SPRED2: variants seen among roughly 807,000 people sequenced by gnomAD.
SPRED2 encodes sprouty related EVH1 domain containing 2.
SPRED2 carries 47 observed loss-of-function variants against 43.0 expected under a neutral mutation model. That is an observed-to-expected ratio of 1.09 (90% CI 0.87 to 1.40). SPRED2 has a LOEUF of 1.40. Ranked by LOEUF, SPRED2 falls within the 40% of genes most tolerant of loss-of-function variation. The pLI is 0.00. For missense variants in SPRED2, 561 were observed against 586.4 expected (o/e 0.96, Z 0.45); for synonymous variants, 225 against 225.7 (o/e 1.00, Z 0.03).
downstream of SPRED2, among the ~76,000 whole-genome samples, chr2:65,309,521 A>C (rs1266336007): frequency 5.9e-5 from 9 of 151,504 alleles, no homozygotes; most frequent in African/African-American, 2.2e-4. Context: ...AAAAAAAAAA[A>C]AAAAAAGGAT....
intron 5 of SPRED2, among the ~76,000 whole-genome samples, chr2:65,315,107 T>G (rs940769339): frequency 2.7e-5 from 4 of 146,058 alleles, no homozygotes; most frequent in Non-Finnish European, 5.9e-5. Context: ...ATTAATTACA[T>G]GCATATAACC....
At chr2:65,392,175 CTTTTTTTTT>C (rs70943649) in intron 1 of SPRED2, among the ~76,000 whole-genome samples, 1 of 98,726 alleles carries the variant, frequency 1.0e-5, no homozygotes, top group Non-Finnish European at 2.1e-5. Flanking sequence ...TCCAGAATTT[CTTTTTTTTT>C]TTTTTTTTTT....
chr2:65,400,660 C>T (rs963795938), intron 1 of SPRED2, among the ~76,000 whole-genome samples: 5 of 152,020 alleles, frequency 3.3e-5, no homozygotes, highest in Non-Finnish European at 5.9e-5. Flanking sequence ...GTTCTGTGTT[C>T]GTCCCTATTT....
At chr2:65,357,915 T>C (rs1486456112) in intron 1 of SPRED2, among the ~76,000 whole-genome samples, 1 of 152,168 alleles carries the variant, frequency 6.6e-6, no homozygotes, top group African/African-American at 2.4e-5. Flanking sequence ...ATGTGTAAAA[T>C]GAGGGGTAGA....
chr2:65,354,343 GCA>G (rs1183810993), intron 1 of SPRED2, among the ~76,000 whole-genome samples: 1 of 152,156 alleles, frequency 6.6e-6, no homozygotes, highest in Non-Finnish European at 1.5e-5. Flanking sequence ...CAATGCCCAG[GCA>G]CACTGGAAGT....
chr2:65,360,079 CAAAAAAAAACAAAAAAAAAACAA>C (rs1327479417), intron 1 of SPRED2, among the ~76,000 whole-genome samples: 9 of 93,688 alleles, frequency 9.6e-5, no homozygotes, highest in South Asian at 3.0e-4. Context: ...AAAAAAAAAA[CAAAAAAAAACAAAAAAAAAACAA>C]AAAAAAAAAA....
chr2:65,354,645 GTT>G (rs34759662), intron 1 of SPRED2, among the ~76,000 whole-genome samples: 4 of 146,052 alleles, frequency 2.7e-5, no homozygotes, highest in Admixed American at 1.4e-4. Flanking sequence ...ATATTTGTTG[GTT>G]TTTTTTTTTA....
downstream of SPRED2, among the ~76,000 whole-genome samples, chr2:65,310,288 G>A (rs1215908652): frequency 6.6e-6 from 1 of 151,978 alleles, no homozygotes; most frequent in African/African-American, 2.4e-5. Context: ...TTTTCTCTGT[G>A]ACCCTCAGAA....
chr2:65,334,825 G>A, intron 2 of SPRED2, 52 bp from the exon 3 acceptor site: 1 of 1,592,814 alleles, frequency 6.3e-7, no homozygotes, highest in African/African-American at 1.3e-5. Flanking sequence ...CCATGATGAT[G>A]TCTGGTTACA....
Position 65,432,238 on chromosome 2 carries a change from C to CG in SPRED2, c.-252dup, listed in dbSNP as rs1668899695. On this transcript the variant is annotated 5_prime_UTR_variant, in exon 1 of 6. Coordinates refer to ENST00000356388, the MANE Select transcript of SPRED2 (RefSeq NM_181784.3). ...CGTGGGGAGAGGCGGGCGGAGGCTCCGGGGGCTCGGGAGCGGGCAGAGGGG... is the reference window on the plus strand; with the variant it reads ...CGTGGGGAGAGGCGGGCGGAGGCTCCGGGGGGCTCGGGAGCGGGCAGAGGGG... 1 of 467,376 alleles carries CG rather than the reference C, an allele frequency of 2.1e-6. No homozygotes were observed. Among genetic ancestry groups the CG allele is most frequent in the Non-Finnish European group, 3.9e-6 (1 of 259,310 alleles). 29.0% of individuals were successfully genotyped at this position (467,376 alleles called of 1,614,324 possible). A position where few individuals can be genotyped will look rare whatever the true frequency, so the allele number is the denominator to read the frequency against.
chr2:65,375,642 A>C (rs1403692811), intron 1 of SPRED2, among the ~76,000 whole-genome samples: 4 of 152,220 alleles, frequency 2.6e-5, no homozygotes, highest in Non-Finnish European at 4.4e-5. Flanking sequence ...ACCTAATAGT[A>C]ATGCACAAAC....
intron 4 of SPRED2, among the ~76,000 whole-genome samples, chr2:65,326,803 C>A (rs1673633922): frequency 1.3e-5 from 2 of 152,056 alleles, no homozygotes; most frequent in Non-Finnish European, 1.5e-5. Flanking sequence ...CAGTCCAGGT[C>A]AACAAAAACA....
intron 1 of SPRED2, among the ~76,000 whole-genome samples, chr2:65,425,690 C>T (rs900351065): frequency 1.3e-5 from 2 of 152,134 alleles, no homozygotes; most frequent in Non-Finnish European, 2.9e-5. Flanking sequence ...AGCATCAATA[C>T]AAAATATTTC....
intron 4 of SPRED2, among the ~76,000 whole-genome samples, chr2:65,318,472 C>T (rs1018482633): frequency 7.3e-5 from 11 of 151,604 alleles, no homozygotes; most frequent in African/African-American, 2.7e-4. Context: ...CCCCCAGAAT[C>T]CCTACCCTTC....
rs997383807 is a variant in SPRED2, at chr2:65,312,577, A to G, written c.*924T>C. On this transcript the variant is annotated 3_prime_UTR_variant, in exon 6 of 6. Transcript: ENST00000356388. ...TTTGGTTTGCAAAACAACAAGCAAA[A>G]TTTCTTACTTCACTAGTATCCTATT... 2 of 985,682 alleles carry G rather than the reference A, an allele frequency of 2.0e-6. No homozygotes were observed. The highest frequency in any genetic ancestry group is 1.2e-6 in the Non-Finnish European group (1 of 829,930). The allele number at this position is 985,682 out of a possible 1,614,324, so 61.1% of individuals were successfully genotyped here. A position where few individuals can be genotyped will look rare whatever the true frequency, so the allele number is the denominator to read the frequency against.
intron 1 of SPRED2, among the ~76,000 whole-genome samples, chr2:65,393,670 C>T (rs907390098): frequency 2.6e-5 from 4 of 152,098 alleles, no homozygotes; most frequent in Non-Finnish European, 5.9e-5. Flanking sequence ...TTTATAATAA[C>T]GGTCATTATA....
chr2:65,392,966 G>A (rs1293129561), intron 1 of SPRED2, among the ~76,000 whole-genome samples: 5 of 152,148 alleles, frequency 3.3e-5, no homozygotes, highest in African/African-American at 1.2e-4. Flanking sequence ...GATTCTACCT[G>A]CTACTCAACA....
At chr2:65,355,118 A>C (rs889052525) in intron 1 of SPRED2, among the ~76,000 whole-genome samples, 1 of 152,214 alleles carries the variant, frequency 6.6e-6, no homozygotes, top group Admixed American at 6.5e-5. Context: ...TCTAATCCTT[A>C]CTAATAGCAG....
At chr2:65,430,616 G>A (rs898011110) in intron 1 of SPRED2, among the ~76,000 whole-genome samples, 1 of 152,148 alleles carries the variant, frequency 6.6e-6, no homozygotes, top group Non-Finnish European at 1.5e-5. Flanking sequence ...CCTGCGGGGG[G>A]CAAAAGACCT....
Sources: allele counts gnomAD v4.1 joint callset (sites outside exome capture counted in the v4.1 genomes callset), GRCh38; gene constraint gnomAD v4.1.1; transcripts MANE v1.5; gene names NCBI Gene and HGNC (gene_info 2026-07-23, HGNC 2026-07-21).